Variants in WDPCP observed in about 807,000 individuals in gnomAD.
WDPCP encodes the protein WD repeat containing planar cell polarity effector.
In WDPCP, 71 loss-of-function variants were observed where a neutral mutation model predicts 93.1. The observed-to-expected ratio is 0.76, with a 90% CI of 0.63 to 0.93. The LOEUF is 0.93. Among genes scored for constraint, WDPCP ranks in the 40% least tolerant of loss-of-function variants. The probability of loss-of-function intolerance (pLI) is 0.00; values close to 1 mark genes in which losing one functional copy is unlikely to be tolerated. For missense variants in WDPCP, 844 were observed against 887.4 expected, an observed-to-expected ratio of 0.95 and a Z score of 0.62; for synonymous variants, 315 against 315.0, an observed-to-expected ratio of 1.00 and a Z score of 0.00.
chr2:63,283,575 TGTGGC>T (rs1245228727), intron 13 of WDPCP, among the ~76,000 whole-genome samples: 77 of 152,320 alleles, frequency 5.1e-4, no homozygotes, highest in African/African-American at 1.8e-3. Flanking sequence ...TGACAGAGAC[TGTGGC>T]CTGCAGAGCC....
At chr2:63,605,303 T>C (rs1198544337) in intron 3 of WDPCP, 1 of 1,613,840 alleles carries the variant, frequency 6.2e-7, no homozygotes, top group African/African-American at 1.3e-5. Flanking sequence ...GTGGCGCTGC[T>C]GTCATCAAGG....
intron 1 of WDPCP, among the ~76,000 whole-genome samples, chr2:63,506,087 A>G (rs1701850787): frequency 6.6e-6 from 1 of 152,122 alleles, no homozygotes; most frequent in Non-Finnish European, 1.5e-5. Context: ...AAGAAAATGA[A>G]TATCAAGCAT....
intron 1 of WDPCP, among the ~76,000 whole-genome samples, chr2:63,550,651 A>T (rs1192438120): frequency 4.0e-5 from 6 of 151,716 alleles, no homozygotes; most frequent in African/African-American, 1.5e-4. Context: ...TTCAATTTCC[A>T]TCTACAAAAT....
intron 2 of WDPCP, among the ~76,000 whole-genome samples, chr2:63,678,190 AG>A (rs1314938139): frequency 6.6e-6 from 1 of 152,192 alleles, no homozygotes; most frequent in Non-Finnish European, 1.5e-5. Context: ...CATCGTTCTT[AG>A]TTTGTTGGCT....
intron 6 of WDPCP, among the ~76,000 whole-genome samples, chr2:63,446,380 C>G (rs1468980023): frequency 6.6e-6 from 1 of 152,168 alleles, no homozygotes; most frequent in Non-Finnish European, 1.5e-5. Context: ...TTTTGGCCAC[C>G]AGGAGACATG....
intron 15 of WDPCP, chr2:63,168,649 G>C (rs1419484090): frequency 6.6e-6 from 1 of 152,158 alleles, no homozygotes; most frequent in Admixed American, 6.5e-5. Context: ...GAGCCCAGGA[G>C]TTGTGGGCTG....
At chr2:63,452,507 G>A (rs1226800740) in intron 6 of WDPCP, among the ~76,000 whole-genome samples, 1 of 152,114 alleles carries the variant, frequency 6.6e-6, no homozygotes, top group African/African-American at 2.4e-5. Flanking sequence ...CGTGAAAATG[G>A]CCATACTGCC....
chr2:63,682,887 C>T (rs890607112), intron 2 of WDPCP, among the ~76,000 whole-genome samples: 6 of 151,974 alleles, frequency 3.9e-5, no homozygotes, highest in Non-Finnish European at 8.8e-5. Flanking sequence ...ACTATAACAA[C>T]TTTTTAAGAC....
chr2:63,704,934 T>A (rs1478857049), intron 2 of WDPCP, among the ~76,000 whole-genome samples: 1 of 152,138 alleles, frequency 6.6e-6, no homozygotes, highest in African/African-American at 2.4e-5. Flanking sequence ...GTCCTGGACT[T>A]TTTTTGATTG....
chr2:63,350,122 G>A (rs1017394186), intron 12 of WDPCP, among the ~76,000 whole-genome samples: 5 of 152,182 alleles, frequency 3.3e-5, no homozygotes, highest in Admixed American at 1.3e-4. Context: ...TAAAAAAGGT[G>A]AGTTCATGTC....
chr2:63,248,067 T>C (rs1680428458), intron 14 of WDPCP, among the ~76,000 whole-genome samples: 1 of 152,192 alleles, frequency 6.6e-6, no homozygotes, highest in African/African-American at 2.4e-5. Context: ...TACTTTGTTA[T>C]TCATGTCACA....
intron 3 of WDPCP, among the ~76,000 whole-genome samples, chr2:63,638,837 T>C (rs141787550): frequency 1.3e-5 from 2 of 149,794 alleles, no homozygotes; most frequent in African/African-American, 4.9e-5. Flanking sequence ...CAAAGAACTG[T>C]TTCCTTGAAA....
chr2:63,205,098 T>C (rs181054697), intron 14 of WDPCP, among the ~76,000 whole-genome samples: 4 of 152,296 alleles, frequency 2.6e-5, no homozygotes, highest in African/African-American at 9.6e-5. Context: ...ATTGAAGAGA[T>C]TGTCTTTCCC....
intron 1 of WDPCP, among the ~76,000 whole-genome samples, chr2:63,503,145 T>C (rs1272846339): frequency 1.3e-5 from 2 of 152,238 alleles, no homozygotes; most frequent in Non-Finnish European, 2.9e-5. Context: ...CTTAGTTAAA[T>C]AGATCTTGTC....
chr2:63,231,963 G>C (rs548506416), intron 14 of WDPCP, among the ~76,000 whole-genome samples: 6 of 152,194 alleles, frequency 3.9e-5, no homozygotes, highest in Middle Eastern at 3.4e-3. Context: ...AAACAGCATG[G>C]TACTGGTACC....
At chr2:63,301,180 C>T (rs976882877) in intron 13 of WDPCP, among the ~76,000 whole-genome samples, 29 of 152,192 alleles carry the variant, frequency 1.9e-4, no homozygotes, top group Non-Finnish European at 3.5e-4. Flanking sequence ...TTGAGCCTCT[C>T]TACTGGAAAC....
At chr2:63,198,936 A>G (rs1263736483) in intron 14 of WDPCP, among the ~76,000 whole-genome samples, 1 of 152,228 alleles carries the variant, frequency 6.6e-6, no homozygotes, top group African/African-American at 2.4e-5. Context: ...GTTGAAGTCC[A>G]GGCTAAGGTG....
intron 12 of WDPCP, among the ~76,000 whole-genome samples, chr2:63,375,575 A>G (rs916553175): frequency 4.6e-5 from 7 of 151,970 alleles, no homozygotes; most frequent in Non-Finnish European, 8.8e-5. Flanking sequence ...TTTAAAGTTT[A>G]GATTTGTTTG....
intron 6 of WDPCP, among the ~76,000 whole-genome samples, chr2:63,484,354 A>G (rs1304092899): frequency 6.6e-6 from 1 of 152,024 alleles, no homozygotes; most frequent in Non-Finnish European, 1.5e-5. Context: ...ACAAAAAAAT[A>G]CAATATGAAA....
Sources: allele counts gnomAD v4.1 joint callset (sites outside exome capture counted in the v4.1 genomes callset), GRCh38; gene constraint gnomAD v4.1.1; transcripts MANE v1.5; gene names NCBI Gene and HGNC (gene_info 2026-07-23, HGNC 2026-07-21).